Variants in PPM1H observed in about 807,000 individuals in gnomAD.
PPM1H encodes the protein protein phosphatase 1H.
Under a neutral mutation model 54.9 loss-of-function variants are expected in PPM1H, and 27 were observed. The observed-to-expected ratio is 0.49, with a 90% CI of 0.36 to 0.68. The LOEUF is 0.68. Ranked by LOEUF, PPM1H falls within the 30% of genes least tolerant of loss-of-function variation. PPM1H has a pLI of 0.00. For synonymous variants in PPM1H, 305 were observed against 270.8 expected, an observed-to-expected ratio of 1.13 and a Z score of -1.24; for missense variants, 596 against 667.8, an observed-to-expected ratio of 0.89 and a Z score of 1.19.
intron 4 of PPM1H, among the ~76,000 whole-genome samples, chr12:62,756,762 C>T (rs74098822): frequency 0.015 from 2,279 of 151,626 alleles, 69 homozygotes; most frequent in African/African-American, 0.053. Flanking sequence ...CCGAAGATGA[C>T]GGCACGTGAA....
chr12:62,853,951 A>T (rs1869287082), intron 1 of PPM1H, among the ~76,000 whole-genome samples: 1 of 152,220 alleles, frequency 6.6e-6, no homozygotes, highest in Non-Finnish European at 1.5e-5. Context: ...TACTACAGAG[A>T]TGGCCAAGCT....
At chr12:62,698,280 C>T (rs1483397302) in intron 6 of PPM1H, among the ~76,000 whole-genome samples, 1 of 152,090 alleles carries the variant, frequency 6.6e-6, no homozygotes, top group Non-Finnish European at 1.5e-5. Context: ...AGGAGTTTAA[C>T]GGTACTTAAT....
intron 6 of PPM1H, among the ~76,000 whole-genome samples, chr12:62,710,194 G>A (rs1204502229): frequency 6.6e-6 from 1 of 152,092 alleles, no homozygotes; most frequent in Non-Finnish European, 1.5e-5. Flanking sequence ...GACCCTCCCA[G>A]CTTCTTGGGT....
intron 6 of PPM1H, among the ~76,000 whole-genome samples, chr12:62,718,946 T>C (rs183367400): frequency 1.6e-3 from 244 of 152,316 alleles, no homozygotes; most frequent in Middle Eastern, 6.8e-3. Context: ...AACTACTTAA[T>C]TGCCCTGTTG....
intron 1 of PPM1H, among the ~76,000 whole-genome samples, chr12:62,891,154 T>C (rs1870784133): frequency 6.6e-6 from 1 of 150,566 alleles, no homozygotes; most frequent in Non-Finnish European, 1.5e-5. Flanking sequence ...CTAGAGCATA[T>C]TTTTCCTTAA....
intron 9 of PPM1H, among the ~76,000 whole-genome samples, chr12:62,653,838 G>A (rs775269472): frequency 4.6e-5 from 7 of 151,990 alleles, no homozygotes; most frequent in Non-Finnish European, 7.4e-5. Context: ...GGCAGGGGAG[G>A]GCCCTCCCCC....
At chr12:62,655,510 T>C (rs2075839056) in intron 9 of PPM1H, among the ~76,000 whole-genome samples, 1 of 152,226 alleles carries the variant, frequency 6.6e-6, no homozygotes, top group Non-Finnish European at 1.5e-5. Flanking sequence ...TTTATTGGTT[T>C]TGTTATTGAG....
At chr12:62,660,085 T>G (rs1490988745) in intron 9 of PPM1H, among the ~76,000 whole-genome samples, 1 of 152,182 alleles carries the variant, frequency 6.6e-6, no homozygotes, top group African/African-American at 2.4e-5. Context: ...AATTATGACT[T>G]GGCAACTTCT....
At chr12:62,897,263 CA>C (rs1437598571) in intron 1 of PPM1H, among the ~76,000 whole-genome samples, 1 of 151,874 alleles carries the variant, frequency 6.6e-6, no homozygotes, top group Non-Finnish European at 1.5e-5. Context: ...AAAAAATTGC[CA>C]GTGTTTTTTC....
intron 4 of PPM1H, among the ~76,000 whole-genome samples, chr12:62,746,630 A>G (rs1328832549): frequency 6.6e-6 from 1 of 152,176 alleles, no homozygotes; most frequent in African/African-American, 2.4e-5. Context: ...GCCAACAGCC[A>G]ATTACGCTTT....
intron 4 of PPM1H, among the ~76,000 whole-genome samples, chr12:62,746,590 T>C (rs2076412469): frequency 6.6e-6 from 1 of 152,166 alleles, no homozygotes; most frequent in South Asian, 2.1e-4. Context: ...TAGGAGTAAA[T>C]GGACTAGGGG....
chr12:62,704,935 T>C (rs1169258173), intron 6 of PPM1H, among the ~76,000 whole-genome samples: 1 of 152,066 alleles, frequency 6.6e-6, no homozygotes, highest in African/African-American at 2.4e-5. Flanking sequence ...GTTCTGAGAG[T>C]AGTAAACATT....
At chr12:62,922,159 G>C (rs764722632) in intron 1 of PPM1H, among the ~76,000 whole-genome samples, 7 of 152,120 alleles carry the variant, frequency 4.6e-5, no homozygotes, top group Non-Finnish European at 7.4e-5. Context: ...AATTTTAAGA[G>C]ACTACTATAC....
In PPM1H at chr12:62,769,877, G is replaced by A. The variant is rs560174211; in HGVS notation, c.869+18349C>T. Among the ~76,000 whole-genome samples, 5 of 152,218 alleles carry A rather than the reference G, an allele frequency of 3.3e-5. No individual in the cohort carries two copies. In the South Asian group the frequency reaches 1.0e-3, roughly 32 times the overall value. On this transcript the variant is annotated intron_variant, in intron 4 of 9. Coordinates refer to ENST00000228705, the MANE Select transcript of PPM1H (RefSeq NM_020700.2). ...GCTGGAGGGGAAAGAGGGAGGGTAT[G>A]GTAACCCACATGTTGCAAGAGAAAA... is the stretch of plus-strand genomic sequence containing the variant.
intron 1 of PPM1H, among the ~76,000 whole-genome samples, chr12:62,869,524 C>T (rs1263204342): frequency 6.6e-6 from 1 of 152,196 alleles, no homozygotes; most frequent in Non-Finnish European, 1.5e-5. Context: ...ACTAGACACA[C>T]TGCCTCTATG....
intron 5 of PPM1H, among the ~76,000 whole-genome samples, chr12:62,732,792 AC>A (rs1274201201): frequency 6.6e-6 from 1 of 151,922 alleles, no homozygotes; most frequent in African/African-American, 2.4e-5. Context: ...CAGGATGGGG[AC>A]CCAGAAGTTT....
At chr12:62,860,748 C>T (rs1380585029) in intron 1 of PPM1H, among the ~76,000 whole-genome samples, 1 of 152,184 alleles carries the variant, frequency 6.6e-6, no homozygotes, top group Non-Finnish European at 1.5e-5. Flanking sequence ...TCACTATAAC[C>T]TCTGCCTTCT....
chr12:62,706,855 C>T (rs1477317904), intron 6 of PPM1H, among the ~76,000 whole-genome samples: 1 of 152,204 alleles, frequency 6.6e-6, no homozygotes, highest in Non-Finnish European at 1.5e-5. Context: ...CTCATCTTCA[C>T]ATTCTAGGTT....
At chr12:62,804,960 C>A (rs1207568401) in intron 2 of PPM1H, among the ~76,000 whole-genome samples, 3 of 152,134 alleles carry the variant, frequency 2.0e-5, no homozygotes, top group Non-Finnish European at 2.9e-5. Flanking sequence ...CAGGCCTGAG[C>A]CACCGCGCCC....
Sources: gnomAD v4.1 joint callset for allele counts (sites outside exome capture counted in the v4.1 genomes callset) on GRCh38, gnomAD v4.1.1 for gene constraint, MANE v1.5 for transcripts, NCBI Gene and HGNC (gene_info 2026-07-23, HGNC 2026-07-21) for gene names.